Variants in DHTKD1 observed in about 807,000 individuals in gnomAD.
DHTKD1 encodes dehydrogenase E1 and transketolase domain containing 1, also known as 2-oxoadipate dehydrogenase complex component E1.
In DHTKD1, 78 loss-of-function variants were observed where a neutral mutation model predicts 101.8. That is an observed-to-expected ratio of 0.77 (90% CI 0.64 to 0.93). The LOEUF (loss-of-function observed/expected upper bound fraction) is 0.93. Among genes scored for constraint, DHTKD1 ranks in the 40% least tolerant of loss-of-function variants. The pLI is 0.00. For synonymous variants in DHTKD1, 462 were observed against 450.3 expected, an observed-to-expected ratio of 1.03 and a Z score of -0.33; for missense variants, 1,223 against 1,161.7, an observed-to-expected ratio of 1.05 and a Z score of -0.77.
chr10:12,079,636 C>G (rs1263410266), intron 1 of DHTKD1, among the ~76,000 whole-genome samples: 1 of 152,014 alleles, frequency 6.6e-6, no homozygotes, highest in East Asian at 1.9e-4. Context: ...CCACTGCACT[C>G]CAGCCTGGCG....
At position 12,120,283 on chromosome 10, in the gene DHTKD1, C is replaced by A. The variant is rs748514522; in HGVS notation, c.2658+16C>A. Reference sequence around the variant, plus strand: ...GGCCTGCAAGGTAATCACACGTTTTCTCTGGTAGTGTTTTGTGTTTTGTGT... The same window carrying A: ...GGCCTGCAAGGTAATCACACGTTTTATCTGGTAGTGTTTTGTGTTTTGTGT... On this transcript the variant is annotated intron_variant, in intron 16 of 16. Transcript: ENST00000263035. The A allele has an allele frequency of 1.9e-6, 3 of 1,596,062 alleles. No homozygotes were observed. The highest frequency in any genetic ancestry group is 2.6e-6 in the Non-Finnish European group (3 of 1,166,490).
In DHTKD1 at chr10:12,107,891, C is replaced by A. The variant is rs532827857; in HGVS notation, c.2048-18C>A. The stretch of plus-strand genomic sequence containing the variant: ...CCCGCTTCGTAGAGCTCTTACTCCC[C>A]ACGTGGTACTTTTCCAGGAGAGGCC... On this transcript the variant is annotated intron_variant, in intron 11 of 16. Transcript: ENST00000263035. This position sits in a 1 kb window ranked among gnomAD's most constrained non-coding sequence, Gnocchi z 4.1. 109 of 1,544,642 alleles carry A rather than the reference C, an allele frequency of 7.1e-5. No homozygotes were observed. Among genetic ancestry groups the A allele is most frequent in the Non-Finnish European group, 9.2e-5 (103 of 1,117,316 alleles).
intron 2 of DHTKD1, among the ~76,000 whole-genome samples, chr10:12,084,010 C>A (rs971272182): frequency 7.9e-5 from 12 of 151,158 alleles, no homozygotes; most frequent in Non-Finnish European, 1.8e-4. Flanking sequence ...GCAACCTCTG[C>A]CTCCCAGGTT....
intron 9 of DHTKD1, 25 bp downstream of exon 9, chr10:12,100,287 G>GTTGTTTTTTTTTTTTTTTTTTT (rs1833142914): frequency 4.0e-6 from 1 of 248,604 alleles, no homozygotes; most frequent in African/African-American, 3.8e-5. Flanking sequence ...TTTTTTTTCT[G>GTTGTTTTTTTTTTTTTTTTTTT]TTTTTTTTTT....
intron 3 of DHTKD1, among the ~76,000 whole-genome samples, chr10:12,085,111 T>C (rs889670258): frequency 4.0e-5 from 6 of 151,582 alleles, no homozygotes; most frequent in Admixed American, 4.0e-4. Flanking sequence ...TATAAAGATA[T>C]ATAGCCTGGC....
chr10:12,122,921 C>T lies in DHTKD1; in HGVS notation c.*2033C>T, dbSNP rs1161000791. On this transcript the variant is annotated 3_prime_UTR_variant, in exon 17 of 17. Coordinates refer to ENST00000263035, the MANE Select transcript of DHTKD1 (RefSeq NM_018706.7). ...CCCAGGCCCTCTCTACTTTTACCAG[C>T]AACTGATCATGTCTTTCAGAATCCA... 3.9e-5 allele frequency: 6 copies of T among 152,220 alleles called. No individual in the cohort carries two copies. Among genetic ancestry groups the T allele is most frequent in the Non-Finnish European group, 7.3e-5 (5 of 68,044 alleles). 9.4% of individuals were successfully genotyped at this position (152,220 alleles called of 1,614,324 possible). A position where few individuals can be genotyped will look rare whatever the true frequency, so the allele number is the denominator to read the frequency against.
chr10:12,079,924 A>T (rs1041360727), intron 1 of DHTKD1, among the ~76,000 whole-genome samples: 1 of 152,158 alleles, frequency 6.6e-6, no homozygotes, highest in Non-Finnish European at 1.5e-5. Context: ...TATGAGTGCA[A>T]ACACATCCTG....
chr10:12,081,494 G>A lies in DHTKD1; in HGVS notation c.177G>A (p.Leu59=). ...RPPVDHGLAR[L]VTVYCEHGHK... is the part of the protein sequence containing the mutation. ...TAGTTGATCATGGCCTTGCCAGGTT[G>A]GTGACAGTATATTGTGAGCATGGTC... The change falls in exon 2 of 17, where the codon TTG becomes TTA. Residue 59 remains leucine, a synonymous_variant. Transcript: ENST00000263035. 6.2e-7 allele frequency: 1 copy of A among 1,614,074 alleles called. No homozygotes were observed. Among genetic ancestry groups the A allele is most frequent in the African/African-American group, 1.3e-5 (1 of 75,038 alleles).
At chr10:12,118,661 C>T (rs551490639) in intron 14 of DHTKD1, 88 bp from the exon 15 acceptor site, 102 of 1,131,902 alleles carry the variant, frequency 9.0e-5, no homozygotes, top group Middle Eastern at 4.4e-4. Flanking sequence ...AGATTACAGG[C>T]GTGAGCTACT....
At chr10:12,081,338 C>T in intron 1 of DHTKD1, 134 bp from the exon 2 acceptor site, 1 of 660,112 alleles carries the variant, frequency 1.5e-6, no homozygotes, top group Non-Finnish European at 2.6e-6. Flanking sequence ...TAGAGCAAGA[C>T]CCTGTCTCTA....
At position 12,068,967 on chromosome 10, in the gene DHTKD1, T is replaced by A; in HGVS notation, c.-67T>A. The A allele has an allele frequency of 6.3e-7, 1 of 1,588,784 alleles. No homozygotes were observed. Among genetic ancestry groups the A allele is most frequent in the Non-Finnish European group, 8.6e-7 (1 of 1,166,108 alleles). On this transcript the variant is annotated 5_prime_UTR_variant, in exon 1 of 17. Coordinates refer to ENST00000263035, the MANE Select transcript of DHTKD1 (RefSeq NM_018706.7). ...CCGGCCGCCTCTGACGAGTCCCGGA[T>A]TTACCAGGGCCGGTGGGATCCCCTC... is the stretch of plus-strand genomic sequence containing the variant.
chr10:12,087,447 C>A lies in DHTKD1; in HGVS notation c.523-88C>A. ...TGTGGCCACTTGGGGAGTGTGGGGC[C>A]ATCTCACAACACACACAGACTTATC... On this transcript the variant is annotated intron_variant, in intron 3 of 16. Coordinates refer to ENST00000263035, the MANE Select transcript of DHTKD1 (RefSeq NM_018706.7). This position sits in a 1 kb window ranked among gnomAD's most constrained non-coding sequence, Gnocchi z 5.2. 8.8e-7 allele frequency: 1 copy of A among 1,131,036 alleles called. No homozygotes were observed. The highest frequency in any genetic ancestry group is 1.3e-6 in the Non-Finnish European group (1 of 789,188). The allele number at this position is 1,131,036 out of a possible 1,614,324, so 70.1% of individuals were successfully genotyped here. A position where few individuals can be genotyped will look rare whatever the true frequency, so the allele number is the denominator to read the frequency against.
rs1554790544 is a variant in DHTKD1, at chr10:12,076,995, A to AAAG, written c.155-4477_155-4476insAAG. Among the ~76,000 whole-genome samples the AAAG allele has an allele frequency of 1.2e-4, 16 of 128,100 alleles. 1 individual carries two copies. The highest frequency in any genetic ancestry group is 5.3e-4 in the South Asian group (2 of 3,752). The allele number at this position is 128,100 out of a possible 152,430, so 84.0% of individuals were successfully genotyped here. ...TCTGATAAAAAAAAAAAAAAAAAAAAGGAAGAAAAAAGAACAAGTCGGCAA... is the reference window on the plus strand; with the variant it reads ...TCTGATAAAAAAAAAAAAAAAAAAAAAAGGGAAGAAAAAAGAACAAGTCGGCAA... On this transcript the variant is annotated intron_variant, in intron 1 of 16. Transcript: ENST00000263035.
At chr10:12,078,446 C>A (rs11257521) in intron 1 of DHTKD1, among the ~76,000 whole-genome samples, 71,966 of 150,666 alleles carry the variant, frequency 0.48, 19,255 homozygotes, top group South Asian at 0.72. Flanking sequence ...ACAAAACCAA[C>A]AAAAACCCCA....
chr10:12,108,163 G>A (rs1271751251), intron 12 of DHTKD1, 148 bp downstream of exon 12: 1 of 577,040 alleles, frequency 1.7e-6, no homozygotes, highest in East Asian at 3.1e-5. Flanking sequence ...ATTTTCTTTG[G>A]AAACGTAATG....
At chr10:12,112,854 T>G in intron 12 of DHTKD1, 46 bp from the exon 13 acceptor site, 5 of 1,543,220 alleles carry the variant, frequency 3.2e-6, no homozygotes, top group Non-Finnish European at 4.4e-6. Flanking sequence ...ACGACTGAAA[T>G]AGATGATCTG....
intron 6 of DHTKD1, among the ~76,000 whole-genome samples, chr10:12,092,819 GA>G (rs753867435): frequency 4.0e-5 from 6 of 151,704 alleles, no homozygotes; most frequent in Non-Finnish European, 5.9e-5. Context: ...GCAAAAAAAA[GA>G]AATAAGATGT....
chr10:12,090,429 TTCCTTCCTTCCTTCC>T (rs1832972715), intron 5 of DHTKD1, among the ~76,000 whole-genome samples: 3 of 84,822 alleles, frequency 3.5e-5, no homozygotes, highest in Admixed American at 3.5e-4. Flanking sequence ...TCCTTCCTTT[TTCCTTCCTTCCTTCC>T]TTCCTTCCTT....
At chr10:12,118,567 A>G (rs1006732505) in intron 14 of DHTKD1, among the ~76,000 whole-genome samples, 182 bp from the exon 15 acceptor site, 11 of 151,956 alleles carry the variant, frequency 7.2e-5, no homozygotes, top group South Asian at 2.1e-4. Context: ...TATTTTTAGT[A>G]GAGACAGGGT....
Sources: allele counts gnomAD v4.1 joint callset (sites outside exome capture counted in the v4.1 genomes callset), GRCh38; gene constraint gnomAD v4.1.1; non-coding constraint Gnocchi (gnomAD v3.1); transcripts MANE v1.5; gene names NCBI Gene and HGNC (gene_info 2026-07-23, HGNC 2026-07-21).